Variants in MACROD2 observed in about 807,000 individuals in gnomAD.
The protein encoded by MACROD2 is ADP-ribose glycohydrolase MACROD2.
MACROD2 carries 36 observed loss-of-function variants against 70.4 expected under a neutral mutation model. That is an observed-to-expected ratio of 0.51 (90% CI 0.39 to 0.68). MACROD2 has a LOEUF of 0.68. Ranked by LOEUF, MACROD2 falls within the 30% of genes least tolerant of loss-of-function variation. MACROD2 has a pLI of 0.00. For missense variants in MACROD2, 496 were observed against 538.4 expected, an observed-to-expected ratio of 0.92 and a Z score of 0.78; for synonymous variants, 172 against 178.8, an observed-to-expected ratio of 0.96 and a Z score of 0.30.
At chr20:15,506,449 G>A (rs1389877295) in intron 8 of MACROD2, among the ~76,000 whole-genome samples, 1 of 152,154 alleles carries the variant, frequency 6.6e-6, no homozygotes, top group Non-Finnish European at 1.5e-5. Flanking sequence ...CCTCATTACT[G>A]ATCACAAAGA....
chr20:15,498,812 T>A (rs1600498110), intron 7 of MACROD2, among the ~76,000 whole-genome samples: 1 of 152,260 alleles, frequency 6.6e-6, no homozygotes, highest in East Asian at 1.9e-4. Context: ...TAATAAAGTT[T>A]AAAAAATAAA....
chr20:15,224,811 T>C (rs1206800761), intron 5 of MACROD2, among the ~76,000 whole-genome samples: 1 of 151,930 alleles, frequency 6.6e-6, no homozygotes, highest in African/African-American at 2.4e-5. Flanking sequence ...AATACAAATA[T>C]TAGCTTGGTG....
chr20:14,466,499 G>A (rs2084451356), intron 3 of MACROD2, among the ~76,000 whole-genome samples: 1 of 152,048 alleles, frequency 6.6e-6, no homozygotes, highest in Non-Finnish European at 1.5e-5. Flanking sequence ...TTAGCTCAAA[G>A]TAGTTTGATC....
At chr20:14,101,312 A>G (rs1422431787) in intron 3 of MACROD2, among the ~76,000 whole-genome samples, 1 of 152,096 alleles carries the variant, frequency 6.6e-6, no homozygotes, top group Non-Finnish European at 1.5e-5. Context: ...TACCTACTAT[A>G]TGACAGGCAT....
At chr20:14,190,728 T>TTTTCC (rs765628902) in intron 3 of MACROD2, among the ~76,000 whole-genome samples, 1 of 71,660 alleles carries the variant, frequency 1.4e-5, no homozygotes. Context: ...TTTTTTTTTT[T>TTTTCC]CCAGAGTCTT....
intron 8 of MACROD2, among the ~76,000 whole-genome samples, chr20:15,829,734 T>A (rs984952535): frequency 1.3e-5 from 2 of 152,182 alleles, no homozygotes; most frequent in African/African-American, 4.8e-5. Context: ...GTCACACTCT[T>A]AAGTTCCTTT....
intron 8 of MACROD2, among the ~76,000 whole-genome samples, chr20:15,724,634 A>G (rs2050835065): frequency 6.6e-6 from 1 of 152,138 alleles, no homozygotes; most frequent in Non-Finnish European, 1.5e-5. Flanking sequence ...ATTCTCTTCC[A>G]TTGATCTATT....
At chr20:15,177,827 G>T (rs181457766) in intron 5 of MACROD2, among the ~76,000 whole-genome samples, 23 of 152,146 alleles carry the variant, frequency 1.5e-4, no homozygotes, top group African/African-American at 5.1e-4. Context: ...TCCATTGAAT[G>T]AATTGGTGTC....
At chr20:15,308,372 G>A (rs2077718348) in intron 6 of MACROD2, among the ~76,000 whole-genome samples, 1 of 152,044 alleles carries the variant, frequency 6.6e-6, no homozygotes, top group African/African-American at 2.4e-5. Context: ...AGTCACTTCA[G>A]TGCCATGTAG....
chr20:15,254,732 CTTT>C (rs1297490067), intron 6 of MACROD2, among the ~76,000 whole-genome samples: 1 of 152,024 alleles, frequency 6.6e-6, no homozygotes, highest in Non-Finnish European at 1.5e-5. Flanking sequence ...CTATGATTAT[CTTT>C]TTTGTTTGTC....
intron 5 of MACROD2, among the ~76,000 whole-genome samples, chr20:14,858,077 C>T (rs7267711): frequency 0.028 from 4,317 of 152,132 alleles, 204 homozygotes; most frequent in African/African-American, 0.098. Context: ...TGCCTCCGCC[C>T]TCCAAAGTGC....
intron 5 of MACROD2, among the ~76,000 whole-genome samples, chr20:15,208,686 A>T (rs1161848732): frequency 6.6e-6 from 1 of 152,014 alleles, no homozygotes; most frequent in Non-Finnish European, 1.5e-5. Context: ...TGCTGAGAAG[A>T]GTTGGGATTT....
intron 3 of MACROD2, among the ~76,000 whole-genome samples, chr20:14,287,988 T>G (rs546539091): frequency 6.6e-6 from 1 of 152,198 alleles, no homozygotes; most frequent in African/African-American, 2.4e-5. Context: ...ATCAACAATC[T>G]ATCATCTTTT....
intron 3 of MACROD2, among the ~76,000 whole-genome samples, chr20:14,377,437 C>A (rs1173938259): frequency 6.6e-6 from 1 of 152,196 alleles, no homozygotes; most frequent in African/African-American, 2.4e-5. Context: ...CTTGTCCTGT[C>A]ACTGTTTGGA....
intron 8 of MACROD2, among the ~76,000 whole-genome samples, chr20:15,836,144 C>G (rs951287976): frequency 6.6e-6 from 1 of 152,186 alleles, no homozygotes; most frequent in Non-Finnish European, 1.5e-5. Flanking sequence ...TTGCCTTTCT[C>G]AAACTCAGGC....
At chr20:15,278,726 C>T (rs1043797673) in intron 6 of MACROD2, among the ~76,000 whole-genome samples, 1 of 152,112 alleles carries the variant, frequency 6.6e-6, no homozygotes, top group African/African-American at 2.4e-5. Flanking sequence ...CTCTCCGTAC[C>T]AAGTCTACTG....
At chr20:15,017,909 CT>C (rs1568532565) in intron 5 of MACROD2, among the ~76,000 whole-genome samples, 1 of 152,202 alleles carries the variant, frequency 6.6e-6, no homozygotes, top group Non-Finnish European at 1.5e-5. Context: ...CATGAAATCA[CT>C]TTTTCCTCCT....
At chr20:14,531,566 A>G (rs1469324109) in intron 4 of MACROD2, among the ~76,000 whole-genome samples, 4 of 152,194 alleles carry the variant, frequency 2.6e-5, no homozygotes, top group African/African-American at 9.6e-5. Context: ...ATGTTGTTTC[A>G]AGTCACCAGT....
chr20:15,227,234 A>T (rs751024002), intron 5 of MACROD2, among the ~76,000 whole-genome samples: 6 of 152,310 alleles, frequency 3.9e-5, no homozygotes, highest in Non-Finnish European at 7.4e-5. Flanking sequence ...TTTTTCATAA[A>T]TTTCATTTAA....
Sources: allele counts gnomAD v4.1 joint callset (sites outside exome capture counted in the v4.1 genomes callset), GRCh38; gene constraint gnomAD v4.1.1; transcripts MANE v1.5; gene names NCBI Gene and HGNC (gene_info 2026-07-23, HGNC 2026-07-21).